Variants in FILIP1L observed in about 807,000 individuals in gnomAD.
FILIP1L encodes filamin A interacting protein 1 like.
Under a neutral mutation model 96.6 loss-of-function variants are expected in FILIP1L, and 55 were observed. That is an observed-to-expected ratio of 0.57 (90% CI 0.46 to 0.71). FILIP1L has a LOEUF of 0.71. Ranked by LOEUF, FILIP1L falls within the 30% of genes least tolerant of loss-of-function variation. FILIP1L has a pLI of 0.00. For missense variants in FILIP1L, 1,304 were observed against 1,321.2 expected (o/e 0.99, Z 0.20); for synonymous variants, 467 against 473.9 (o/e 0.99, Z 0.19).
At chr3:99,960,093 C>T (rs1424978644) in intron 1 of FILIP1L, among the ~76,000 whole-genome samples, 1 of 152,118 alleles carries the variant, frequency 6.6e-6, no homozygotes, top group Non-Finnish European at 1.5e-5. Context: ...ACGATTGGCT[C>T]CATCCCGACC....
intron 3 of FILIP1L, among the ~76,000 whole-genome samples, chr3:99,925,571 C>G (rs1206819460): frequency 2.8e-5 from 4 of 141,478 alleles, no homozygotes; most frequent in Admixed American, 1.5e-4. Flanking sequence ...ACACTTCCAG[C>G]AGTAGTTTAA....
chr3:99,927,224 C>A (rs188026534), intron 3 of FILIP1L, among the ~76,000 whole-genome samples: 1 of 152,166 alleles, frequency 6.6e-6, no homozygotes, highest in Admixed American at 6.5e-5. Context: ...TATTAACTAA[C>A]TAAATGAATA....
chr3:99,899,783 C>T (rs1706377446), intron 4 of FILIP1L, among the ~76,000 whole-genome samples: 1 of 152,200 alleles, frequency 6.6e-6, no homozygotes, highest in Non-Finnish European at 1.5e-5. Flanking sequence ...CCTGGGTTTG[C>T]ATGTTGAATT....
intron 1 of FILIP1L, among the ~76,000 whole-genome samples, chr3:99,946,968 C>T (rs1357318458): frequency 1.3e-5 from 2 of 151,918 alleles, no homozygotes; most frequent in Non-Finnish European, 2.9e-5. Context: ...AACCCCGCCT[C>T]TACTAAAAAA....
At chr3:100,097,135 A>G (rs963945080) in intron 1 of FILIP1L, among the ~76,000 whole-genome samples, 3 of 152,134 alleles carry the variant, frequency 2.0e-5, no homozygotes, top group Non-Finnish European at 4.4e-5. Context: ...CACAAACCCT[A>G]TTGTGAACTA....
intron 1 of FILIP1L, among the ~76,000 whole-genome samples, chr3:100,091,253 C>G (rs2066101988): frequency 6.7e-6 from 1 of 150,076 alleles, no homozygotes; most frequent in Non-Finnish European, 1.5e-5. Flanking sequence ...CCACTGCACT[C>G]CAGACTAGGC....
rs1212275107 is a variant in FILIP1L, at chr3:99,930,029, C to T, written c.253G>A (p.Ala85Thr). Residue 85 changes from alanine to threonine, a missense_variant and splice_region_variant, in exon 3 of 6, where the codon GCT becomes ACT. By Grantham distance (58) the Ala-to-Thr change is moderately conservative. Coordinates refer to ENST00000477258, the MANE Select transcript of FILIP1L (RefSeq NM_001387850.1). ...LLSILEGELQ[A>T]RDEVIGILKA... ...AAAATGCCTATGACCTCATCTCGAG[C>T]CTGTAGGAACAAAAAGTATTTCAGA... is the stretch of plus-strand genomic sequence containing the variant. 5.0e-6 allele frequency: 8 copies of T among 1,594,670 alleles called. No individual in the cohort carries two copies. Among genetic ancestry groups the T allele is most frequent in the Non-Finnish European group, 6.8e-6 (8 of 1,172,540 alleles).
intron 4 of FILIP1L, among the ~76,000 whole-genome samples, chr3:99,869,262 C>A (rs1944668835): frequency 6.6e-6 from 1 of 152,090 alleles, no homozygotes; most frequent in South Asian, 2.1e-4. Context: ...GCCTGTGATT[C>A]TTTGCATCTG....
At chr3:100,062,209 T>G (rs2107347745) in intron 1 of FILIP1L, among the ~76,000 whole-genome samples, 1 of 146,376 alleles carries the variant, frequency 6.8e-6, no homozygotes, top group East Asian at 2.1e-4. Context: ...CCTCCCGGGT[T>G]CAGGCCATTC....
intron 1 of FILIP1L, among the ~76,000 whole-genome samples, chr3:99,973,671 A>G (rs1708888153): frequency 6.6e-6 from 1 of 152,258 alleles, no homozygotes; most frequent in African/African-American, 2.4e-5. Flanking sequence ...AAGAAGAATA[A>G]TAAACACACT....
At chr3:99,938,729 G>A (rs923501879) in intron 1 of FILIP1L, among the ~76,000 whole-genome samples, 2 of 152,136 alleles carry the variant, frequency 1.3e-5, no homozygotes, top group African/African-American at 4.8e-5. Context: ...GAAAATAGTG[G>A]CTATAAATAG....
At chr3:100,018,490 A>G (rs993198078) in intron 1 of FILIP1L, among the ~76,000 whole-genome samples, 4 of 152,136 alleles carry the variant, frequency 2.6e-5, no homozygotes, top group African/African-American at 9.7e-5. Flanking sequence ...AAAAATGGAA[A>G]TGGATAGCCA....
At chr3:99,904,023 A>G (rs1362765429) in intron 4 of FILIP1L, among the ~76,000 whole-genome samples, 1 of 152,218 alleles carries the variant, frequency 6.6e-6, no homozygotes, top group Non-Finnish European at 1.5e-5. Context: ...TGAGATATGC[A>G]TCTTGTTTTT....
In FILIP1L at chr3:99,911,691, C is replaced by G. The variant is rs1014821592; in HGVS notation, c.605+12539G>C. On this transcript the variant is annotated intron_variant, in intron 4 of 5. Coordinates refer to ENST00000477258, the MANE Select transcript of FILIP1L (RefSeq NM_001387850.1). The stretch of plus-strand genomic sequence containing the variant: ...GGGAAACCTTCACATTCGCTCCCTG[C>G]AGAGCTAATCCATCTTTCTAATCAG... Among the ~76,000 whole-genome samples, 12 of 152,314 alleles carry G rather than the reference C, an allele frequency of 7.9e-5. No individual in the cohort carries two copies. The East Asian group carries it at 2.3e-3, about 29-fold the overall frequency.
rs556652183 is a variant in FILIP1L, at chr3:100,030,788, G to A, written c.-11+83265C>T. 1.7e-4 allele frequency among the ~76,000 whole-genome samples: 26 copies of A among 152,268 alleles called. No homozygotes were observed. The South Asian group carries it at 5.0e-3, about 29-fold the overall frequency. On this transcript the variant is annotated intron_variant, in intron 1 of 5. Transcript: ENST00000477258. ...TGAAATCAATCCGTTTTCCCTCCCTGTAGCAAGGATGTGGTATGGCAAAAG... is the reference window on the plus strand; with the variant it reads ...TGAAATCAATCCGTTTTCCCTCCCTATAGCAAGGATGTGGTATGGCAAAAG...
intron 1 of FILIP1L, among the ~76,000 whole-genome samples, chr3:100,058,500 G>A (rs2065504108): frequency 6.6e-6 from 1 of 152,202 alleles, no homozygotes. Context: ...CCTCCTCTCT[G>A]TCCCGGCAGC....
intron 1 of FILIP1L, among the ~76,000 whole-genome samples, chr3:100,042,789 C>T (rs1202912711): frequency 6.6e-6 from 1 of 152,084 alleles, no homozygotes; most frequent in Admixed American, 6.6e-5. Flanking sequence ...ATGAGAAATA[C>T]ACGTTTTAAA....
At chr3:99,928,314 T>C (rs1160073595) in intron 3 of FILIP1L, among the ~76,000 whole-genome samples, 1 of 152,196 alleles carries the variant, frequency 6.6e-6, no homozygotes, top group Non-Finnish European at 1.5e-5. Context: ...CGTGGAGTTA[T>C]TTTGGCTTCG....
intron 5 of FILIP1L, among the ~76,000 whole-genome samples, chr3:99,841,016 G>A (rs1237241964): frequency 6.6e-6 from 1 of 152,202 alleles, no homozygotes; most frequent in East Asian, 1.9e-4. Context: ...AGCTCTTCAA[G>A]GGCAGTGAAT....
Sources: allele counts gnomAD v4.1 joint callset (sites outside exome capture counted in the v4.1 genomes callset), GRCh38; gene constraint gnomAD v4.1.1; transcripts MANE v1.5; gene names NCBI Gene and HGNC (gene_info 2026-07-23, HGNC 2026-07-21).